The following ACSF2 variants were observed in gnomAD, a reference collection of about 807,000 sequenced individuals.
The protein encoded by ACSF2 is medium-chain acyl-CoA ligase ACSF2, mitochondrial.
ACSF2 carries 52 observed loss-of-function variants against 79.3 expected under a neutral mutation model. The observed-to-expected ratio is 0.66, with a 90% confidence interval of 0.53 to 0.83. The LOEUF (loss-of-function observed/expected upper bound fraction) is 0.83. Among genes scored for constraint, ACSF2 ranks in the 40% least tolerant of loss-of-function variants. The probability of loss-of-function intolerance (pLI) is 0.00; values close to 1 mark genes in which losing one functional copy is unlikely to be tolerated. For synonymous variants in ACSF2, 283 were observed against 312.6 expected, an observed-to-expected ratio of 0.91 and a Z score of 1.00; for missense variants, 661 against 803.3, an observed-to-expected ratio of 0.82 and a Z score of 2.14.
At position 50,463,226 on chromosome 17, in the gene ACSF2, G is replaced by C. The variant is rs769179865; in HGVS notation, c.863G>C (p.Gly288Ala). 1 of 1,614,118 alleles carries C rather than the reference G, an allele frequency of 6.2e-7. No homozygotes were observed. The highest frequency in any genetic ancestry group is 8.5e-7 in the Non-Finnish European group (1 of 1,180,032). The change falls in exon 7 of 16, where the codon GGA (glycine) becomes GCA (alanine). Residue 288 changes from glycine to alanine, a missense_variant. Coordinates refer to ENST00000300441, the MANE Select transcript of ACSF2 (RefSeq NM_025149.6). This position sits in a 1 kb window ranked among gnomAD's most constrained non-coding sequence, Gnocchi z 4.6. ...YNIVNNSNIL[G>A]ERLKLHEKTP... ...ATTGTCAACAACTCCAACATTTTAGGAGAGCGCCTGAAACTGCATGAGAAG... is the reference window on the plus strand; with the variant it reads ...ATTGTCAACAACTCCAACATTTTAGCAGAGCGCCTGAAACTGCATGAGAAG...
chr17:50,472,225 C>G (rs2033154713), intron 11 of ACSF2: 1 of 562,364 alleles, frequency 1.8e-6, no homozygotes, highest in Non-Finnish European at 3.0e-6. Context: ...TTCTTTCATG[C>G]CCAGCTCAGG....
At chr17:50,430,520 C>T (rs923513629) in intron 1 of ACSF2, among the ~76,000 whole-genome samples, 3 of 152,102 alleles carry the variant, frequency 2.0e-5, no homozygotes, top group Non-Finnish European at 4.4e-5. Context: ...ACAAAATTAG[C>T]TGGGCATGGT....
intron 10 of ACSF2, among the ~76,000 whole-genome samples, chr17:50,466,263 A>ATT (rs35638929): frequency 6.6e-6 from 1 of 150,864 alleles, no homozygotes. Flanking sequence ...ATTTTTTTGT[A>ATT]TTTTTTTAGT....
intron 10 of ACSF2, chr17:50,465,447 G>A (rs769889058): frequency 1.2e-6 from 2 of 1,613,664 alleles, no homozygotes; most frequent in East Asian, 2.2e-5. Context: ...CACCTGGAGA[G>A]ACAGAAACTT....
chr17:50,453,871 C>T (rs1039959072), intron 1 of ACSF2, among the ~76,000 whole-genome samples: 1 of 151,354 alleles, frequency 6.6e-6, no homozygotes, highest in Non-Finnish European at 1.5e-5. Context: ...CCTTGAACTA[C>T]TAGGCTCAAG....
chr17:50,465,805 C>G (rs1767507527), intron 10 of ACSF2: 1 of 1,613,754 alleles, frequency 6.2e-7, no homozygotes, highest in Non-Finnish European at 8.5e-7. Flanking sequence ...GTAGCTGGTT[C>G]AAGCGGTTGT....
intron 1 of ACSF2, among the ~76,000 whole-genome samples, chr17:50,453,169 T>C (rs894621575): frequency 6.6e-6 from 1 of 152,160 alleles, no homozygotes; most frequent in Non-Finnish European, 1.5e-5. Flanking sequence ...CTTCTTTACC[T>C]GTGGAATGGG....
At position 50,426,236 on chromosome 17, in the gene ACSF2, G is replaced by T. The variant is rs754153829; in HGVS notation, c.-26G>T. The T allele has an allele frequency of 3.7e-5, 49 of 1,318,910 alleles. No individual in the cohort carries two copies. Among genetic ancestry groups the T allele is most frequent in the Non-Finnish European group, 4.7e-5 (48 of 1,027,320 alleles). The allele number at this position is 1,318,910 out of a possible 1,614,324, so 81.7% of individuals were successfully genotyped here. On this transcript the variant is annotated 5_prime_UTR_variant, in exon 1 of 16. Transcript: ENST00000300441. ...CCGGCTCACTTTAAAAGTTTACTCG[G>T]GCCGGGACGCAGGGCAAAGCGAGCC...
intron 1 of ACSF2, among the ~76,000 whole-genome samples, chr17:50,439,682 T>A (rs1359530238): frequency 1.3e-5 from 2 of 152,210 alleles, no homozygotes; most frequent in African/African-American, 4.8e-5. Context: ...TGCTGGACTT[T>A]AAAGTGTTTG....
chr17:50,436,689 C>T (rs1295658562), intron 1 of ACSF2, among the ~76,000 whole-genome samples: 1 of 150,828 alleles, frequency 6.6e-6, no homozygotes, highest in African/African-American at 2.4e-5. Flanking sequence ...CTACCTCGGC[C>T]TCCCAAAGTG....
rs1212605667 is a variant in ACSF2, at chr17:50,462,656, G to C, written c.792+71G>C. On this transcript the variant is annotated intron_variant, in intron 6 of 15. Coordinates refer to ENST00000300441, the MANE Select transcript of ACSF2 (RefSeq NM_025149.6). ...CCCTGTCCCTGTGACACTTCCGCGG[G>C]GATGGGGAGACAGCAGAGGAGAGCA... The C allele has an allele frequency of 3.9e-6, 6 of 1,546,780 alleles. No individual in the cohort carries two copies. In the Middle Eastern group the frequency reaches 5.1e-4, roughly 132 times the overall value.
At position 50,429,586 on chromosome 17, in the gene ACSF2, C is replaced by A. The variant is rs187729393; in HGVS notation, c.128+3197C>A. 1.5e-3 allele frequency among the ~76,000 whole-genome samples: 224 copies of A among 151,258 alleles called. 1 individual carries two copies. The highest frequency in any genetic ancestry group is 5.2e-3 in the African/African-American group (214 of 40,896). On this transcript the variant is annotated intron_variant, in intron 1 of 15. Transcript: ENST00000300441. ...CCAGGCTGGAGTGCAATGGCATGAT[C>A]TCAGGTCACTGTAACCTCCGCCTCC...
At chr17:50,452,529 G>A (rs760910635) in intron 1 of ACSF2, among the ~76,000 whole-genome samples, 4 of 151,866 alleles carry the variant, frequency 2.6e-5, no homozygotes, top group Admixed American at 1.3e-4. Flanking sequence ...GGGTGGGGCC[G>A]GGGGAGGGAG....
rs770503407 is a variant in ACSF2 at position 50,426,287 on chromosome 17, G to T, written c.26G>T (p.Arg9Leu). 4 of 1,408,016 alleles carry T rather than the reference G, an allele frequency of 2.8e-6. No homozygotes were observed. The highest frequency in any genetic ancestry group is 3.7e-6 in the Non-Finnish European group (4 of 1,075,896). The allele number at this position is 1,408,016 out of a possible 1,614,324, so 87.2% of individuals were successfully genotyped here. MAVYVGML[R>L]LGRLCAGSSG... is the part of the protein sequence containing the mutation. ...ATGGCTGTCTACGTCGGGATGCTGC[G>T]CCTGGGGAGGCTGTGCGCCGGGAGC... The change falls in exon 1 of 16, where the codon CGC becomes CTC. Residue 9 changes from arginine to leucine, a missense_variant. Physicochemically the swap from Arg to Leu is moderately radical, Grantham distance 102. Coordinates refer to ENST00000300441, the MANE Select transcript of ACSF2 (RefSeq NM_025149.6).
At position 50,468,326 on chromosome 17, in the gene ACSF2, C is replaced by T. The variant is rs376509429; in HGVS notation, c.1216-2702C>T. 126 of 1,614,128 alleles carry T rather than the reference C, an allele frequency of 7.8e-5. No individual in the cohort carries two copies. In the African/African-American group the frequency reaches 1.5e-3, roughly 19 times the overall value. On this transcript the variant is annotated intron_variant, in intron 10 of 15. Transcript: ENST00000300441. ...CTTGGCTCCCTGGAAGGCGCCTGCGCGCAGCTCACGGATCTTGTTGTTGTT... is the reference window on the plus strand; with the variant it reads ...CTTGGCTCCCTGGAAGGCGCCTGCGTGCAGCTCACGGATCTTGTTGTTGTT...
chr17:50,427,057 C>T (rs2143442164), intron 1 of ACSF2: 1 of 1,440,278 alleles, frequency 6.9e-7, no homozygotes, highest in Admixed American at 2.0e-5. Context: ...GTGCTTGAGA[C>T]ACAGAGAGCA....
intron 1 of ACSF2, among the ~76,000 whole-genome samples, chr17:50,435,792 T>G (rs1309005033): frequency 6.9e-6 from 1 of 145,768 alleles, no homozygotes; most frequent in Non-Finnish European, 1.5e-5. Context: ...GTTTAGTGAG[T>G]TTTTTTTTTT....
intron 10 of ACSF2, chr17:50,468,870 C>T: frequency 6.9e-7 from 1 of 1,445,944 alleles, no homozygotes; most frequent in Non-Finnish European, 9.0e-7. Context: ...GCGCGGGCAG[C>T]GGCGAGTCCT....
At chr17:50,435,560 G>T (rs114810478) in intron 1 of ACSF2, among the ~76,000 whole-genome samples, 7 of 150,742 alleles carry the variant, frequency 4.6e-5, no homozygotes, top group African/African-American at 1.7e-4. Flanking sequence ...ATGGGTACAC[G>T]CCACAAAGCC....
Sources: allele counts gnomAD v4.1 joint callset (sites outside exome capture counted in the v4.1 genomes callset), GRCh38; gene constraint gnomAD v4.1.1; non-coding constraint Gnocchi (gnomAD v3.1); transcripts MANE v1.5; gene names NCBI Gene and HGNC (gene_info 2026-07-23, HGNC 2026-07-21).